The following CLSTN2 variants were observed in gnomAD, a reference collection of about 807,000 sequenced individuals.
The protein encoded by CLSTN2 is calsyntenin 2, also known as calsyntenin-2.
CLSTN2 carries 48 observed loss-of-function variants against 101.2 expected under a neutral mutation model. That is an observed-to-expected ratio of 0.47 (90% CI 0.38 to 0.60). The LOEUF is 0.60. CLSTN2 is among the 20% of genes least tolerant of loss of function. CLSTN2 has a pLI of 0.00. For missense variants in CLSTN2, 1,160 were observed against 1,238.2 expected, an observed-to-expected ratio of 0.94 and a Z score of 0.95; for synonymous variants, 481 against 463.6, an observed-to-expected ratio of 1.04 and a Z score of -0.48.
At chr3:140,161,311 C>T (rs1393237305) in intron 1 of CLSTN2, among the ~76,000 whole-genome samples, 1 of 152,110 alleles carries the variant, frequency 6.6e-6, no homozygotes, top group African/African-American at 2.4e-5. Context: ...ATGCTTTTAA[C>T]CTTTGATGCC....
intron 2 of CLSTN2, among the ~76,000 whole-genome samples, chr3:140,327,181 A>G (rs560863886): frequency 6.6e-6 from 1 of 152,338 alleles, no homozygotes; most frequent in South Asian, 2.1e-4. Context: ...GCCAGGGTTA[A>G]TTCTTGAGGG....
intron 2 of CLSTN2, among the ~76,000 whole-genome samples, chr3:140,372,286 C>A (rs1240595458): frequency 1.3e-5 from 2 of 152,100 alleles, no homozygotes; most frequent in African/African-American, 2.4e-5. Flanking sequence ...TCTGAAGTTA[C>A]CCTTCTCTTT....
At chr3:140,234,584 G>T (rs1478664697) in intron 2 of CLSTN2, among the ~76,000 whole-genome samples, 1 of 152,074 alleles carries the variant, frequency 6.6e-6, no homozygotes, top group Non-Finnish European at 1.5e-5. Flanking sequence ...CAGCTGTTGT[G>T]GTCTTATTTG....
chr3:140,140,785 C>T (rs1015933983), intron 1 of CLSTN2, among the ~76,000 whole-genome samples: 14 of 152,204 alleles, frequency 9.2e-5, no homozygotes, highest in Non-Finnish European at 1.6e-4. Flanking sequence ...GAACTCAGGA[C>T]TGCCTAACTC....
At chr3:140,426,368 A>C (rs2088565005) in intron 5 of CLSTN2, among the ~76,000 whole-genome samples, 1 of 152,184 alleles carries the variant, frequency 6.6e-6, no homozygotes, top group Non-Finnish European at 1.5e-5. Flanking sequence ...ATAAATGAAA[A>C]CATACAGTGT....
At chr3:140,333,741 G>T (rs1229756596) in intron 2 of CLSTN2, among the ~76,000 whole-genome samples, 1 of 151,874 alleles carries the variant, frequency 6.6e-6, no homozygotes. Context: ...AAATTATTGT[G>T]AGTAGGCATT....
chr3:140,118,682 G>C (rs1364548602), intron 1 of CLSTN2, among the ~76,000 whole-genome samples: 1 of 152,018 alleles, frequency 6.6e-6, no homozygotes, highest in East Asian at 1.9e-4. Flanking sequence ...ATAGGTGGGG[G>C]GCCCAGTCCA....
At chr3:140,545,504 C>T (rs969370918) in intron 9 of CLSTN2, among the ~76,000 whole-genome samples, 1 of 152,154 alleles carries the variant, frequency 6.6e-6, no homozygotes, top group Non-Finnish European at 1.5e-5. Flanking sequence ...AGCTGGAATT[C>T]AACCCAGGCC....
chr3:140,407,819 A>G (rs1020526381), intron 4 of CLSTN2, among the ~76,000 whole-genome samples: 1 of 152,198 alleles, frequency 6.6e-6, no homozygotes, highest in African/African-American at 2.4e-5. Context: ...TAACACTGTC[A>G]CAGTGGTGAT....
At chr3:140,044,763 C>G (rs1576407953) in intron 1 of CLSTN2, among the ~76,000 whole-genome samples, 1 of 152,128 alleles carries the variant, frequency 6.6e-6, no homozygotes, top group Non-Finnish European at 1.5e-5. Flanking sequence ...TTGTCGAAGG[C>G]CTTTTCTGCA....
intron 13 of CLSTN2, 116 bp from the exon 14 acceptor site, chr3:140,562,695 C>A: frequency 8.9e-7 from 1 of 1,124,140 alleles, no homozygotes; most frequent in Non-Finnish European, 1.3e-6. Context: ...GAGCTCTTAC[C>A]CTCAACAAAT....
At chr3:140,223,548 C>T (rs191368158) in intron 2 of CLSTN2, among the ~76,000 whole-genome samples, 8 of 152,184 alleles carry the variant, frequency 5.3e-5, no homozygotes, top group Admixed American at 5.2e-4. Context: ...TTTTTGCACC[C>T]GGCTTTTTAC....
chr3:140,282,479 G>A (rs1335208499), intron 2 of CLSTN2, among the ~76,000 whole-genome samples: 1 of 152,194 alleles, frequency 6.6e-6, no homozygotes, highest in Non-Finnish European at 1.5e-5. Context: ...AAGACCTGGT[G>A]AGGCAGAGCT....
chr3:140,545,351 A>G (rs1935566007), intron 9 of CLSTN2, among the ~76,000 whole-genome samples: 1 of 152,218 alleles, frequency 6.6e-6, no homozygotes, highest in Non-Finnish European at 1.5e-5. Context: ...GCTGCTGGCC[A>G]GGTGTTGCAA....
At chr3:140,501,978 T>C (rs1433484035) in intron 8 of CLSTN2, among the ~76,000 whole-genome samples, 4 of 152,304 alleles carry the variant, frequency 2.6e-5, no homozygotes, top group Non-Finnish European at 5.9e-5. Flanking sequence ...ACCTTGGACA[T>C]GTTATTCCAC....
At chr3:140,173,468 A>G (rs2010270647) in intron 1 of CLSTN2, among the ~76,000 whole-genome samples, 1 of 152,168 alleles carries the variant, frequency 6.6e-6, no homozygotes, top group African/African-American at 2.4e-5. Flanking sequence ...CAGTGGATCT[A>G]GCATTCTGGG....
chr3:140,375,804 C>A (rs1401839837), intron 2 of CLSTN2, among the ~76,000 whole-genome samples: 2 of 152,128 alleles, frequency 1.3e-5, no homozygotes, highest in Non-Finnish European at 2.9e-5. Flanking sequence ...TGATAACTTA[C>A]TATTCCTTTA....
At chr3:140,411,268 G>A (rs947660123) in intron 4 of CLSTN2, among the ~76,000 whole-genome samples, 1 of 151,990 alleles carries the variant, frequency 6.6e-6, no homozygotes, top group African/African-American at 2.4e-5. Flanking sequence ...AGAGATCAAG[G>A]GTAGCTATAC....
intron 8 of CLSTN2, among the ~76,000 whole-genome samples, chr3:140,509,651 G>T (rs1039672817): frequency 4.8e-5 from 3 of 62,206 alleles, no homozygotes; most frequent in South Asian, 3.2e-4. Flanking sequence ...AATAGTGAAT[G>T]GGGGGGCCTC....
Sources: gnomAD v4.1 joint callset for allele counts (sites outside exome capture counted in the v4.1 genomes callset) on GRCh38, gnomAD v4.1.1 for gene constraint, MANE v1.5 for transcripts, NCBI Gene and HGNC (gene_info 2026-07-23, HGNC 2026-07-21) for gene names.